The following ZCWPW2 variants were observed in gnomAD, a reference collection of about 807,000 sequenced individuals.
ZCWPW2 encodes zinc finger CW-type and PWWP domain containing 2.
ZCWPW2 carries 45 observed loss-of-function variants against 46.6 expected under a neutral mutation model. The observed-to-expected ratio is 0.96, with a 90% CI of 0.76 to 1.24. ZCWPW2 has a LOEUF of 1.24. Ranked by LOEUF, ZCWPW2 falls within the 50% of genes most tolerant of loss-of-function variation. The pLI, the probability that ZCWPW2 is intolerant of heterozygous loss-of-function variation, is 0.00. For synonymous variants in ZCWPW2, 152 were observed against 137.1 expected, an observed-to-expected ratio of 1.11 and a Z score of -0.76; for missense variants, 429 against 403.9, an observed-to-expected ratio of 1.06 and a Z score of -0.53.
At chr3:28,420,030 A>G (rs1343674123) in intron 3 of ZCWPW2, among the ~76,000 whole-genome samples, 7 of 151,014 alleles carry the variant, frequency 4.6e-5, no homozygotes, top group African/African-American at 1.7e-4. Context: ...CATATGTAAC[A>G]AACCTGCACG....
chr3:28,359,142 T>C (rs1383077260), intron 1 of ZCWPW2, among the ~76,000 whole-genome samples: 1 of 152,132 alleles, frequency 6.6e-6, no homozygotes, highest in African/African-American at 2.4e-5. Flanking sequence ...TGATTCTTAA[T>C]ACTGTATTGG....
intron 1 of ZCWPW2, among the ~76,000 whole-genome samples, chr3:28,370,810 G>A (rs149517948): frequency 4.6e-5 from 7 of 152,220 alleles, no homozygotes; most frequent in African/African-American, 1.2e-4. Flanking sequence ...TCGGCTCAAC[G>A]CAACCTCCAC....
At chr3:28,505,907 GA>G (rs1700262796) in intron 6 of ZCWPW2, among the ~76,000 whole-genome samples, 1 of 151,468 alleles carries the variant, frequency 6.6e-6, no homozygotes, top group South Asian at 2.1e-4. Flanking sequence ...AATTAAAAAA[GA>G]AAACTTCATT....
At position 28,514,090 on chromosome 3, in the gene ZCWPW2, AAAG is replaced by A. The variant is rs1700500918; in HGVS notation, c.691_693del (p.Lys231del). 4.0e-6 allele frequency: 6 copies of A among 1,508,410 alleles called. No individual in the cohort carries two copies. The highest frequency in any genetic ancestry group is 1.4e-5 in the African/African-American group (1 of 72,216). The allele number at this position is 1,508,410 out of a possible 1,614,324, so 93.4% of individuals were successfully genotyped here. On this transcript the variant is annotated inframe_deletion, in exon 7 of 10. Coordinates refer to ENST00000383768, the MANE Select transcript of ZCWPW2 (RefSeq NM_001040432.4). ...AGCAGACTTCTAAAAATAATATTGAAAAGAAGAAGCCCAAATTTAGAAAAAGGA... is the reference window on the plus strand; with the variant it reads ...AGCAGACTTCTAAAAATAATATTGAAAAGAAGCCCAAATTTAGAAAAAGGA...
At chr3:28,496,851 C>A (rs1313984320) in intron 6 of ZCWPW2, among the ~76,000 whole-genome samples, 7 of 151,494 alleles carry the variant, frequency 4.6e-5, no homozygotes, top group Non-Finnish European at 1.0e-4. Context: ...AGAAAACAGG[C>A]ATAGGGATGT....
intron 1 of ZCWPW2, among the ~76,000 whole-genome samples, chr3:28,380,738 C>T (rs1005812238): frequency 6.6e-6 from 1 of 151,394 alleles, no homozygotes; most frequent in Non-Finnish European, 1.5e-5. Flanking sequence ...CCATTTTTCC[C>T]TACATGGAAT....
At chr3:28,448,021 C>G in intron 4 of ZCWPW2, 1 of 380,574 alleles carries the variant, frequency 2.6e-6, no homozygotes, top group Non-Finnish European at 5.0e-6. Context: ...TATTAAGGAG[C>G]AGAAAATTGT....
chr3:28,358,339 C>T (rs1341696530), intron 1 of ZCWPW2, among the ~76,000 whole-genome samples: 2 of 152,066 alleles, frequency 1.3e-5, no homozygotes, highest in Non-Finnish European at 2.9e-5. Flanking sequence ...ATACTGCCAA[C>T]GTAGGCACTG....
At chr3:28,447,648 C>A in intron 4 of ZCWPW2, 1 of 345,950 alleles carries the variant, frequency 2.9e-6, no homozygotes. Flanking sequence ...TCTGAAAGTT[C>A]TAGCCAGAGC....
At chr3:28,523,960 AT>A (rs1700789805) in intron 9 of ZCWPW2, among the ~76,000 whole-genome samples, 1 of 152,086 alleles carries the variant, frequency 6.6e-6, no homozygotes, top group South Asian at 2.1e-4. Flanking sequence ...AAAAGGGTAC[AT>A]TTTTGTTATG....
chr3:28,388,916 T>G (rs2125716191), intron 1 of ZCWPW2, among the ~76,000 whole-genome samples: 1 of 152,348 alleles, frequency 6.6e-6, no homozygotes, highest in South Asian at 2.1e-4. Flanking sequence ...AGGATTTCTC[T>G]TGTATTGCAG....
intron 5 of ZCWPW2, 88 bp from the exon 6 acceptor site, chr3:28,492,039 G>A (rs780250805): frequency 1.6e-4 from 211 of 1,306,072 alleles, no homozygotes; most frequent in Non-Finnish European, 2.2e-4. Flanking sequence ...TAATGAGAAA[G>A]TAGAAAATTC....
intron 6 of ZCWPW2, among the ~76,000 whole-genome samples, chr3:28,503,959 G>T (rs1390223603): frequency 6.6e-6 from 1 of 151,974 alleles, no homozygotes; most frequent in South Asian, 2.1e-4. Context: ...ACTTTGGAAG[G>T]CTGAGGCAGG....
At chr3:28,373,125 G>T (rs1203099266) in intron 1 of ZCWPW2, among the ~76,000 whole-genome samples, 1 of 152,182 alleles carries the variant, frequency 6.6e-6, no homozygotes, top group African/African-American at 2.4e-5. Context: ...AAACAGGAGA[G>T]TGAAGCTATC....
chr3:28,349,812 A>G (rs747698419), intron 1 of ZCWPW2, among the ~76,000 whole-genome samples: 2 of 152,198 alleles, frequency 1.3e-5, no homozygotes, highest in Non-Finnish European at 2.9e-5. Flanking sequence ...CCACCCCCTT[A>G]AAGTAGTATT....
chr3:28,448,564 C>G (rs1414758423), intron 4 of ZCWPW2, among the ~76,000 whole-genome samples: 1 of 151,718 alleles, frequency 6.6e-6, no homozygotes, highest in Non-Finnish European at 1.5e-5. Context: ...GAGGATGTAA[C>G]ACTTGGGGCC....
intron 1 of ZCWPW2, among the ~76,000 whole-genome samples, chr3:28,367,227 TTGTGATGTTAGGG>T (rs1283250203): frequency 2.0e-5 from 3 of 152,158 alleles, no homozygotes; most frequent in Admixed American, 6.5e-5. Context: ...GTTCTTTTAA[TTGTGATGTTAGGG>T]TGTTAATTTT....
chr3:28,361,384 A>G (rs1704938382), intron 1 of ZCWPW2, among the ~76,000 whole-genome samples: 1 of 152,332 alleles, frequency 6.6e-6, no homozygotes, highest in African/African-American at 2.4e-5. Context: ...GACTCAAAAT[A>G]GATTAAATGA....
chr3:28,375,150 GT>G (rs796885722), intron 1 of ZCWPW2, among the ~76,000 whole-genome samples: 71 of 144,082 alleles, frequency 4.9e-4, no homozygotes, highest in East Asian at 4.0e-3. Flanking sequence ...TAACTACTTG[GT>G]TTTTTTTTTT....
Sources: allele counts gnomAD v4.1 joint callset (sites outside exome capture counted in the v4.1 genomes callset), GRCh38; gene constraint gnomAD v4.1.1; transcripts MANE v1.5; gene names NCBI Gene and HGNC (gene_info 2026-07-23, HGNC 2026-07-21).